Variants in MON2 observed in about 807,000 individuals in gnomAD.
The protein encoded by MON2 is MON2 regulator of endosome-to-Golgi trafficking, also known as protein MON2 homolog.
A neutral mutation model predicts 208.6 loss-of-function variants in MON2; 84 were observed. The observed-to-expected ratio is 0.40, with a 90% CI of 0.34 to 0.48. The LOEUF is 0.48. Ranked by LOEUF, MON2 falls within the 20% of genes least tolerant of loss-of-function variation. The probability of loss-of-function intolerance (pLI) is 0.59; values close to 1 mark genes in which losing one functional copy is unlikely to be tolerated. For missense variants in MON2, 1,611 were observed against 2,015.4 expected, an observed-to-expected ratio of 0.80 and a Z score of 3.84; for synonymous variants, 660 against 694.0, an observed-to-expected ratio of 0.95 and a Z score of 0.77.
intron 25 of MON2, among the ~76,000 whole-genome samples, chr12:62,557,839 T>A (rs1216212228): frequency 6.7e-6 from 1 of 149,308 alleles, no homozygotes; most frequent in African/African-American, 2.5e-5. Flanking sequence ...TGCACAAATT[T>A]TCACTGTACA....
At chr12:62,560,272 G>A (rs571756072) in intron 25 of MON2, 29 of 435,514 alleles carry the variant, frequency 6.7e-5, no homozygotes, top group Non-Finnish European at 1.1e-4. Flanking sequence ...CCTCCTCTTG[G>A]TGCCCTTTGT....
Position 62,501,558 on chromosome 12 carries a change from G to T in MON2, c.664-15G>T. On this transcript the variant is annotated splice_polypyrimidine_tract_variant and intron_variant, in intron 6 of 34. Coordinates refer to ENST00000393630, the MANE Select transcript of MON2 (RefSeq NM_015026.3). ...TTAATTCTAGCATGTGAAATTGTTC[G>T]ATTTATTTTCCCAGGATCTTTGTCA... is the stretch of plus-strand genomic sequence containing the variant. The T allele has an allele frequency of 6.2e-7, 1 of 1,610,472 alleles. No homozygotes were observed. Among genetic ancestry groups the T allele is most frequent in the Non-Finnish European group, 8.5e-7 (1 of 1,177,638 alleles).
chr12:62,539,563 G>A (rs2073140968), intron 19 of MON2, among the ~76,000 whole-genome samples: 3 of 151,714 alleles, frequency 2.0e-5, no homozygotes, highest in African/African-American at 4.8e-5. Context: ...CACCGCGCCC[G>A]GCCATCTGCC....
chr12:62,481,529 A>AAG (rs2069440084), intron 1 of MON2, among the ~76,000 whole-genome samples: 1 of 151,682 alleles, frequency 6.6e-6, no homozygotes, highest in Admixed American at 6.6e-5. Flanking sequence ...AAAAAAAAAA[A>AAG]AAAAAATTAC....
intron 25 of MON2, among the ~76,000 whole-genome samples, chr12:62,558,713 G>A (rs573222627): frequency 2.5e-4 from 37 of 147,750 alleles, no homozygotes; most frequent in Non-Finnish European, 4.2e-4. Context: ...TTTTGAGATG[G>A]AGTTTTGGAG....
In MON2 at chr12:62,494,032, T is replaced by G; in HGVS notation, c.293T>G (p.Val98Gly). The G allele has an allele frequency of 6.2e-7, 1 of 1,612,492 alleles. No homozygotes were observed. ...ATTCAGAGACTCATGTCACATGAAG[T>G]CGTGTCTGAGGTAATATGAAGATTT... is the stretch of plus-strand genomic sequence containing the variant. ...AAIQRLMSHEVVSETAAGNII... is the reference protein window; with the variant it reads ...AAIQRLMSHEGVSETAAGNII... The change falls in exon 3 of 35, where the codon GTC becomes GGC. Residue 98 changes from valine to glycine, a missense_variant. Physicochemically the swap from Val to Gly is moderately radical, Grantham distance 109 (BLOSUM62 -3). Transcript: ENST00000393630.
chr12:62,499,031 A>G lies in MON2; in HGVS notation c.548A>G (p.Glu183Gly), dbSNP rs1048206394. 6 of 1,613,106 alleles carry G rather than the reference A, an allele frequency of 3.7e-6. No individual in the cohort carries two copies. Among genetic ancestry groups the G allele is most frequent in the Non-Finnish European group, 5.1e-6 (6 of 1,179,664 alleles). Residue 183 changes from glutamate to glycine, a missense_variant, in exon 5 of 35, where the codon GAA (glutamate) becomes GGA (glycine). Transcript: ENST00000393630. The stretch of plus-strand genomic sequence containing the variant: ...GTTGTTTTTGAGAGGATGGTTGCTG[A>G]AGATGAACGACACAGAGGTAAAGTG... ...VTVVFERMVA[E>G]DERHRDIIEQ...
At chr12:62,481,317 G>T (rs1010860342) in intron 1 of MON2, among the ~76,000 whole-genome samples, 4 of 152,112 alleles carry the variant, frequency 2.6e-5, no homozygotes, top group East Asian at 1.9e-4. Context: ...ACGAGGTCAG[G>T]TGATGGAGAC....
intron 11 of MON2, among the ~76,000 whole-genome samples, chr12:62,527,403 G>GTTCTTCAGAAGAAGA (rs1480565647): frequency 2.0e-5 from 3 of 152,154 alleles, no homozygotes; most frequent in African/African-American, 4.8e-5. Context: ...AGTCATAGAA[G>GTTCTTCAGAAGAAGA]ACTGAAATAT....
intron 34 of MON2, among the ~76,000 whole-genome samples, chr12:62,589,260 G>A (rs2075315885): frequency 6.6e-6 from 1 of 152,170 alleles, no homozygotes; most frequent in Non-Finnish European, 1.5e-5. Context: ...TGGTAAAGAA[G>A]AAAACTGTGT....
chr12:62,540,037 T>C (rs183521627), intron 19 of MON2, among the ~76,000 whole-genome samples: 66 of 152,254 alleles, frequency 4.3e-4, no homozygotes, highest in Middle Eastern at 3.4e-3. Context: ...AATGAAGTAA[T>C]TAATTTTTTG....
In MON2 at chr12:62,499,660, C is replaced by G. The variant is rs1012287396; in HGVS notation, c.565+612C>G. 2.0e-5 allele frequency among the ~76,000 whole-genome samples: 3 copies of G among 151,982 alleles called. No individual in the cohort carries two copies. In the East Asian group the frequency reaches 5.8e-4, roughly 29 times the overall value. Reference sequence around the variant, plus strand: ...AGGCTGAGGTGGGTGGATTGCCTGACTCAGGAGTTTGAGACCAGCCTGGGC... The same window carrying G: ...AGGCTGAGGTGGGTGGATTGCCTGAGTCAGGAGTTTGAGACCAGCCTGGGC... On this transcript the variant is annotated intron_variant, in intron 5 of 34. Transcript: ENST00000393630.
chr12:62,503,911 CT>C (rs1439414152), intron 7 of MON2, among the ~76,000 whole-genome samples: 6 of 152,108 alleles, frequency 3.9e-5, no homozygotes, highest in Non-Finnish European at 8.8e-5. Flanking sequence ...GCACCATTAT[CT>C]TTCTTATCTC....
chr12:62,502,602 G>A (rs1478494488), intron 7 of MON2, among the ~76,000 whole-genome samples: 1 of 151,970 alleles, frequency 6.6e-6, no homozygotes, highest in Non-Finnish European at 1.5e-5. Flanking sequence ...AAGGAAATGT[G>A]GTATGTGAGC....
At chr12:62,571,252 A>G in intron 29 of MON2, 140 bp from the exon 30 acceptor site, 2 of 649,192 alleles carry the variant, frequency 3.1e-6, no homozygotes, top group South Asian at 6.2e-5. Flanking sequence ...TCTGCGAAAT[A>G]ACATCCTTTT....
At chr12:62,549,952 C>T (rs2073669517) in intron 23 of MON2, 122 bp downstream of exon 23, 1 of 545,860 alleles carries the variant, frequency 1.8e-6, no homozygotes, top group African/African-American at 1.9e-5. Context: ...TTTTAAATTT[C>T]AAACTTACGT....
At position 62,597,551 on chromosome 12, in the gene MON2, TAAA is replaced by T. The variant is rs2075552506; in HGVS notation, c.*4806_*4808del. On this transcript the variant is annotated 3_prime_UTR_variant, in exon 35 of 35. Coordinates refer to ENST00000393630, the MANE Select transcript of MON2 (RefSeq NM_015026.3). ...TATGTTCCAAAAACTGGAAGTGCCA[TAAA>T]AAACTAAAAATAAAAAAAAATTGTG... 3 of 152,136 alleles carry T rather than the reference TAAA, an allele frequency of 2.0e-5. No homozygotes were observed. In the South Asian group the frequency reaches 6.2e-4, roughly 32 times the overall value. The allele number at this position is 152,136 out of a possible 1,614,324, so 9.4% of individuals were successfully genotyped here.
chr12:62,501,994 G>A (rs564204059), intron 7 of MON2, among the ~76,000 whole-genome samples: 72 of 152,070 alleles, frequency 4.7e-4, no homozygotes, highest in Non-Finnish European at 8.2e-4. Flanking sequence ...GGCCGAGGTG[G>A]GTAGGTCATG....
chr12:62,570,814 CCTCTGCCTCCCGGGTTCAAGCGATT>C (rs1410085081), intron 29 of MON2, among the ~76,000 whole-genome samples: 1 of 139,256 alleles, frequency 7.2e-6, no homozygotes, highest in Non-Finnish European at 1.5e-5. Flanking sequence ...CTCACTGCAA[CCTCTGCCTCCCGGGTTCAAGCGATT>C]CTCTGCCTCA....
Sources: allele counts gnomAD v4.1 joint callset (sites outside exome capture counted in the v4.1 genomes callset), GRCh38; gene constraint gnomAD v4.1.1; transcripts MANE v1.5; gene names NCBI Gene and HGNC (gene_info 2026-07-23, HGNC 2026-07-21).